HDAC9: variants seen among roughly 807,000 people sequenced by gnomAD.
HDAC9 encodes MEF-2 interacting transcription repressor (MITR) protein.
A neutral mutation model predicts 139.4 loss-of-function variants in HDAC9; 41 were observed. The observed-to-expected ratio is 0.29, with a 90% CI of 0.23 to 0.38. HDAC9 has a LOEUF of 0.38. HDAC9 is among the 10% of genes least tolerant of loss of function. The pLI is 1.00. For synonymous variants in HDAC9, 517 were observed against 476.2 expected, an observed-to-expected ratio of 1.09 and a Z score of -1.12; for missense variants, 1,147 against 1,297.0, an observed-to-expected ratio of 0.88 and a Z score of 1.78.
intron 16 of HDAC9, among the ~76,000 whole-genome samples, chr7:18,790,667 C>CCAAA (rs1173686836): frequency 6.6e-6 from 1 of 152,148 alleles, no homozygotes; most frequent in African/African-American, 2.4e-5. Context: ...TTGACCATTA[C>CCAAA]CGTTTATAAG....
chr7:18,591,787 C>A lies in HDAC9; in HGVS notation c.542+145C>A. On this transcript the variant is annotated intron_variant, in intron 5 of 25. Coordinates refer to ENST00000686413, the MANE Select transcript of HDAC9 (RefSeq NM_178425.4). ...CCTTCAGTTCTCTAAGGATCAGTTT[C>A]CTTCTCCATAAAAAGAGGAAAATAA... 2.6e-6 allele frequency: 3 copies of A among 1,135,336 alleles called. No homozygotes were observed. In the South Asian group the frequency reaches 4.9e-5, roughly 18 times the overall value. 70.3% of individuals were successfully genotyped at this position (1,135,336 alleles called of 1,614,324 possible).
chr7:18,744,950 G>T (rs148387841), intron 13 of HDAC9, among the ~76,000 whole-genome samples: 1,918 of 152,154 alleles, frequency 0.013, 30 homozygotes, highest in African/African-American at 0.036. Context: ...ATATTTTAAG[G>T]CTCCTTTGTG....
intron 2 of HDAC9, among the ~76,000 whole-genome samples, chr7:18,541,516 T>C (rs914569857): frequency 6.6e-6 from 1 of 152,164 alleles, no homozygotes; most frequent in African/African-American, 2.4e-5. Context: ...TATGTTTTTC[T>C]CTGGTTGGAA....
intron 22 of HDAC9, among the ~76,000 whole-genome samples, chr7:18,901,009 A>G (rs993691196): frequency 6.6e-6 from 1 of 152,048 alleles, no homozygotes; most frequent in African/African-American, 2.4e-5. Context: ...ATGTTAGGAA[A>G]TATTCCCACT....
At chr7:18,206,453 C>T (rs998820857) in intron 2 of HDAC9, among the ~76,000 whole-genome samples, 8 of 152,038 alleles carry the variant, frequency 5.3e-5, no homozygotes, top group East Asian at 3.9e-4. Flanking sequence ...GCCTCAGTGA[C>T]GTAAATAAAT....
rs182986447 is a variant in HDAC9, at chr7:18,180,139, G to A, written c.25+17790G>A. On this transcript the variant is annotated intron_variant, in intron 2 of 12. Transcript: ENST00000417496. ...CTTTATCCTACCCCCAGTAGTGAGC[G>A]CCTTAGTTGCCTTGCTTCATCTTTT... Among the ~76,000 whole-genome samples, 13 of 151,868 alleles carry A rather than the reference G, an allele frequency of 8.6e-5. No individual in the cohort carries two copies. In the South Asian group the frequency reaches 1.0e-3, roughly 12 times the overall value.
intron 1 of HDAC9, among the ~76,000 whole-genome samples, chr7:18,407,981 A>G (rs1023954959): frequency 1.3e-5 from 2 of 152,178 alleles, no homozygotes; most frequent in African/African-American, 2.4e-5. Flanking sequence ...GCCATATTCA[A>G]TTGTGTGTCG....
intron 8 of HDAC9, among the ~76,000 whole-genome samples, chr7:18,635,791 A>C (rs1783701570): frequency 6.6e-6 from 1 of 152,072 alleles, no homozygotes; most frequent in Non-Finnish European, 1.5e-5. Flanking sequence ...TCATCTCCAT[A>C]GCTTTTCTAC....
rs1329615070 is a variant in HDAC9, at chr7:18,919,301, A to G, written c.2804-16508A>G. On this transcript the variant is annotated intron_variant, in intron 22 of 25. Transcript: ENST00000686413. ...ACTGTTTATACTTCATCATAAAGCT[A>G]ACCAATATGATGGTAACCAGTTTGG... 2.6e-5 allele frequency among the ~76,000 whole-genome samples: 4 copies of G among 152,038 alleles called. No individual in the cohort carries two copies. The East Asian group carries it at 7.7e-4, about 29-fold the overall frequency.
At chr7:18,210,480 G>A (rs1179081557) in intron 2 of HDAC9, among the ~76,000 whole-genome samples, 1 of 152,062 alleles carries the variant, frequency 6.6e-6, no homozygotes, top group Non-Finnish European at 1.5e-5. Context: ...TTTACCTTTA[G>A]AACTAAAGAT....
intron 8 of HDAC9, among the ~76,000 whole-genome samples, chr7:18,639,706 C>T (rs1244521385): frequency 2.6e-5 from 4 of 151,940 alleles, no homozygotes; most frequent in Non-Finnish European, 4.4e-5. Flanking sequence ...TTTTTTAAAA[C>T]GTGGCTATGT....
chr7:18,922,276 G>T (rs1302095969), intron 22 of HDAC9, among the ~76,000 whole-genome samples: 1 of 151,938 alleles, frequency 6.6e-6, no homozygotes, highest in African/African-American at 2.4e-5. Flanking sequence ...TTTATAACAA[G>T]ACACTGTGCT....
chr7:18,939,178 C>T lies in HDAC9; in HGVS notation c.2937+3236C>T, dbSNP rs1471878609. ...GCATAAGCACAACCTAAAATTTTTT[C>T]AATATAAACTAAAGGAAGGGAGGTT... On this transcript the variant is annotated intron_variant, in intron 23 of 25. Transcript: ENST00000686413. Among the ~76,000 whole-genome samples the T allele has an allele frequency of 4.6e-5, 7 of 152,106 alleles. No homozygotes were observed. The South Asian group carries it at 1.5e-3, about 32-fold the overall frequency.
chr7:18,528,952 T>C (rs1377018919), intron 2 of HDAC9, among the ~76,000 whole-genome samples: 1 of 152,182 alleles, frequency 6.6e-6, no homozygotes, highest in Non-Finnish European at 1.5e-5. Context: ...ATTTTAGCCA[T>C]CAGAGTTTTT....
Position 18,727,571 on chromosome 7 carries a change from T to C in HDAC9, c.1732-9T>C, listed in dbSNP as rs754466478. 6.3e-7 allele frequency: 1 copy of C among 1,584,720 alleles called. No homozygotes were observed. ...ATTTCTTTCTACTGTGCTCTTTTCTTGGCAACAGCCTTTCCTGGAACCCAC... is the reference window on the plus strand; with the variant it reads ...ATTTCTTTCTACTGTGCTCTTTTCTCGGCAACAGCCTTTCCTGGAACCCAC... On this transcript the variant is annotated splice_polypyrimidine_tract_variant and intron_variant, in intron 12 of 25. Coordinates refer to ENST00000686413, the MANE Select transcript of HDAC9 (RefSeq NM_178425.4).
chr7:18,344,441 A>G (rs1782247015), intron 1 of HDAC9, among the ~76,000 whole-genome samples: 1 of 151,942 alleles, frequency 6.6e-6, no homozygotes, highest in Admixed American at 6.6e-5. Flanking sequence ...GAATTCTAAT[A>G]ATATTGTCTG....
chr7:18,454,830 AT>A (rs927398578), intron 1 of HDAC9, among the ~76,000 whole-genome samples: 13 of 152,114 alleles, frequency 8.5e-5, no homozygotes, highest in Admixed American at 2.0e-4. Flanking sequence ...AAATATAATT[AT>A]TTTTCTATAG....
intron 2 of HDAC9, among the ~76,000 whole-genome samples, chr7:18,238,495 T>G (rs1457719416): frequency 6.6e-6 from 1 of 150,776 alleles, no homozygotes; most frequent in East Asian, 2.0e-4. Context: ...CAGTGTAGAT[T>G]TCAGAAGCTT....
At chr7:18,773,764 G>A (rs185795106) in intron 16 of HDAC9, among the ~76,000 whole-genome samples, 185 of 152,028 alleles carry the variant, frequency 1.2e-3, no homozygotes, top group African/African-American at 4.4e-3. Flanking sequence ...CTATATTCAG[G>A]CACACCTAAG....
Sources: gnomAD v4.1 joint callset for allele counts (sites outside exome capture counted in the v4.1 genomes callset) on GRCh38, gnomAD v4.1.1 for gene constraint, MANE v1.5 for transcripts, NCBI Gene and HGNC (gene_info 2026-07-23, HGNC 2026-07-21) for gene names.